The following DCP2 variants were observed in gnomAD, a reference collection of about 807,000 sequenced individuals.
DCP2 encodes decapping mRNA 2, also known as m7GpppN-mRNA hydrolase.
A neutral mutation model predicts 56.1 loss-of-function variants in DCP2; 30 were observed. The ratio of observed to expected loss-of-function variants is 0.53; its 90% CI spans 0.40 to 0.73. The LOEUF (loss-of-function observed/expected upper bound fraction) is 0.73, where lower values mean the gene tolerates loss of function less well. Ranked by LOEUF, DCP2 falls within the 30% of genes least tolerant of loss-of-function variation. The pLI is 0.00. For missense variants in DCP2, 533 were observed against 502.7 expected (o/e 1.06, Z -0.58); for synonymous variants, 197 against 163.3 (o/e 1.21, Z -1.57).
intron 4 of DCP2, among the ~76,000 whole-genome samples, chr5:112,993,238 T>C (rs1748678503): frequency 6.6e-6 from 1 of 152,162 alleles, no homozygotes; most frequent in Non-Finnish European, 1.5e-5. Flanking sequence ...CTGTCCCCTC[T>C]CCCCCACACA....
chr5:112,991,431 C>T (rs1748582310), intron 2 of DCP2, among the ~76,000 whole-genome samples: 1 of 152,108 alleles, frequency 6.6e-6, no homozygotes, highest in South Asian at 2.1e-4. Context: ...TTTTACACTG[C>T]CCAGTTTTGG....
rs904390917 is a variant in DCP2, at chr5:113,020,852, A to G, written c.*7368A>G. On this transcript the variant is annotated 3_prime_UTR_variant, in exon 11 of 11. Coordinates refer to ENST00000389063, the MANE Select transcript of DCP2 (RefSeq NM_152624.6). ...AAGCCTTTTAATCTTACAAAATACA[A>G]TTTGAACGATGGAAGGTTGTTCAGA... 3 of 152,222 alleles carry G rather than the reference A, an allele frequency of 2.0e-5. No individual in the cohort carries two copies. Among genetic ancestry groups the G allele is most frequent in the Admixed American group, 6.5e-5 (1 of 15,288 alleles). 9.4% of individuals were successfully genotyped at this position (152,222 alleles called of 1,614,324 possible). A position where few individuals can be genotyped will look rare whatever the true frequency, so the allele number is the denominator to read the frequency against.
intron 1 of DCP2, chr5:112,984,518 C>T (rs1748155973): frequency 6.6e-6 from 1 of 151,660 alleles, no homozygotes; most frequent in Non-Finnish European, 1.5e-5. Flanking sequence ...TAAAACCTTC[C>T]AGATACGTAA....
chr5:112,977,013 C>T, intron 1 of DCP2, 27 bp downstream of exon 1: 2 of 1,483,594 alleles, frequency 1.3e-6, no homozygotes, highest in East Asian at 2.6e-5. Context: ...CCCCCTTTCG[C>T]CCCCGTCGGG....
chr5:113,000,061 C>CAAAGA (rs1749075453), intron 4 of DCP2, among the ~76,000 whole-genome samples: 1 of 89,956 alleles, frequency 1.1e-5, no homozygotes, highest in East Asian at 3.1e-4. Flanking sequence ...AACTCCATCT[C>CAAAGA]AAAAAAAAAA....
At position 113,018,413 on chromosome 5, in the gene DCP2, T is replaced by A. The variant is rs986619683; in HGVS notation, c.*4929T>A. ...GGTTAGCAGAGGAGTATGGTCTAGCTATGTTAGCAGCTTGAAGGCACAACG... is the reference window on the plus strand; with the variant it reads ...GGTTAGCAGAGGAGTATGGTCTAGCAATGTTAGCAGCTTGAAGGCACAACG... On this transcript the variant is annotated 3_prime_UTR_variant, in exon 11 of 11. Transcript: ENST00000389063. The A allele has an allele frequency of 2.0e-5, 3 of 152,242 alleles. No individual in the cohort carries two copies. Among genetic ancestry groups the A allele is most frequent in the African/African-American group, 7.2e-5 (3 of 41,476 alleles). 9.4% of individuals were successfully genotyped at this position (152,242 alleles called of 1,614,324 possible).
At chr5:112,997,759 C>T (rs565525013) in intron 4 of DCP2, among the ~76,000 whole-genome samples, 21 of 151,880 alleles carry the variant, frequency 1.4e-4, no homozygotes, top group African/African-American at 4.6e-4. Flanking sequence ...GGATTACAGG[C>T]GCACGCCACC....
intron 4 of DCP2, among the ~76,000 whole-genome samples, chr5:112,998,083 T>C (rs1056297805): frequency 1.3e-5 from 2 of 152,242 alleles, no homozygotes; most frequent in African/African-American, 4.8e-5. Context: ...TCTGTTTATA[T>C]ATTTCAACTA....
intron 7 of DCP2, among the ~76,000 whole-genome samples, chr5:113,002,436 A>AG (rs2060098253): frequency 6.6e-6 from 1 of 151,808 alleles, no homozygotes; most frequent in African/African-American, 2.4e-5. Flanking sequence ...AAAAAAAAAA[A>AG]AAATTGTGTC....
intron 2 of DCP2, among the ~76,000 whole-genome samples, chr5:112,991,108 C>G (rs972288816): frequency 2.6e-5 from 4 of 152,044 alleles, no homozygotes; most frequent in African/African-American, 9.7e-5. Flanking sequence ...TAAAGTAGTA[C>G]TAGTACCAAT....
At chr5:112,994,125 G>C (rs1053249337) in intron 4 of DCP2, among the ~76,000 whole-genome samples, 2 of 142,590 alleles carry the variant, frequency 1.4e-5, no homozygotes, top group Non-Finnish European at 3.1e-5. Context: ...ATGAAGTTTA[G>C]AATGGATGTT....
chr5:112,980,705 G>A (rs1747965787), intron 1 of DCP2, among the ~76,000 whole-genome samples: 1 of 152,076 alleles, frequency 6.6e-6, no homozygotes, highest in African/African-American at 2.4e-5. Flanking sequence ...CATGTACATG[G>A]TTTTGAAAAT....
rs115379968 is a variant in DCP2 at position 112,985,204 on chromosome 5, C to T, written c.54-631C>T. ...GTTTCATAATAAAGGGGTTCATTAT[C>T]CTAATTACATATGTGTACATGCAAT... On this transcript the variant is annotated intron_variant, in intron 1 of 10. Transcript: ENST00000389063. Among the ~76,000 whole-genome samples, 307 of 152,008 alleles carry T rather than the reference C, an allele frequency of 2.0e-3. 6 individuals carry two copies. The highest frequency in any genetic ancestry group is 7.0e-3 in the African/African-American group (290 of 41,438).
intron 2 of DCP2, among the ~76,000 whole-genome samples, chr5:112,988,353 G>C (rs373206097): frequency 6.6e-6 from 1 of 151,254 alleles, no homozygotes; most frequent in Non-Finnish European, 1.5e-5. Context: ...TTAGCTGGGC[G>C]TGGTGGCGGG....
chr5:113,011,231 A>C (rs1445897603), intron 10 of DCP2, among the ~76,000 whole-genome samples: 1 of 152,152 alleles, frequency 6.6e-6, no homozygotes, highest in Admixed American at 6.6e-5. Flanking sequence ...ACGTTAGTAA[A>C]TTTGTATGCC....
At chr5:112,979,535 A>G (rs868141686) in intron 1 of DCP2, among the ~76,000 whole-genome samples, 1 of 151,798 alleles carries the variant, frequency 6.6e-6, no homozygotes, top group Non-Finnish European at 1.5e-5. Context: ...TACTCCCTTC[A>G]TTTTTTGCCC....
chr5:112,977,030 C>G (rs768601447), intron 1 of DCP2, 44 bp downstream of exon 1: 2 of 1,454,622 alleles, frequency 1.4e-6, no homozygotes, highest in South Asian at 2.8e-5. Flanking sequence ...CGGGTTTTCT[C>G]AGTTTCGCGG....
intron 2 of DCP2, among the ~76,000 whole-genome samples, chr5:112,986,770 C>G (rs1296283066): frequency 6.6e-6 from 1 of 152,178 alleles, no homozygotes; most frequent in African/African-American, 2.4e-5. Flanking sequence ...GAGGCCGAGA[C>G]TGGTGGATTG....
intron 9 of DCP2, 82 bp from the exon 10 acceptor site, chr5:113,010,674 C>A (rs948930722): frequency 5.8e-6 from 8 of 1,377,652 alleles, no homozygotes; most frequent in African/African-American, 3.0e-5. Context: ...TTTGATAATA[C>A]ATCTTTTGAT....
Sources: gnomAD v4.1 joint callset for allele counts (sites outside exome capture counted in the v4.1 genomes callset) on GRCh38, gnomAD v4.1.1 for gene constraint, MANE v1.5 for transcripts, NCBI Gene and HGNC (gene_info 2026-07-23, HGNC 2026-07-21) for gene names.